SLC38A4: variants seen among roughly 807,000 people sequenced by gnomAD.
The protein encoded by SLC38A4 is solute carrier family 38 member 4.
In SLC38A4, 20 loss-of-function variants were observed where a neutral mutation model predicts 63.1. That is an observed-to-expected ratio of 0.32 (90% CI 0.22 to 0.46). The LOEUF is 0.46. Ranked by LOEUF, SLC38A4 falls within the 20% of genes least tolerant of loss-of-function variation. The pLI is 1.00. For missense variants in SLC38A4, 526 were observed against 663.6 expected (o/e 0.79, Z 2.28); for synonymous variants, 230 against 225.5 (o/e 1.02, Z -0.18).
At position 46,780,659 on chromosome 12, in the gene SLC38A4, T is replaced by C. The variant is rs139512452; in HGVS notation, c.494-629A>G. On this transcript the variant is annotated intron_variant, in intron 7 of 16. Transcript: ENST00000266579. ...CTCCTTTTGGCTAACTAAGGAATTA[T>C]ATAAAGTGGCAAAATTTCATGAGCA... Among the ~76,000 whole-genome samples, 30 of 152,024 alleles carry C rather than the reference T, an allele frequency of 2.0e-4. No homozygotes were observed. The East Asian group carries it at 4.3e-3, about 22-fold the overall frequency.
intron 2 of SLC38A4, among the ~76,000 whole-genome samples, chr12:46,798,368 A>G (rs1939060103): frequency 6.6e-6 from 1 of 152,096 alleles, no homozygotes; most frequent in Admixed American, 6.6e-5. Context: ...CATTCCAGAA[A>G]TCCACCGTGT....
intron 2 of SLC38A4, among the ~76,000 whole-genome samples, chr12:46,797,117 T>A (rs1939025425): frequency 6.6e-6 from 1 of 152,150 alleles, no homozygotes; most frequent in Non-Finnish European, 1.5e-5. Flanking sequence ...TAAAGCTAGA[T>A]CCTAAGCCCC....
chr12:46,816,153 T>C (rs1253095298), intron 1 of SLC38A4, among the ~76,000 whole-genome samples: 1 of 151,906 alleles, frequency 6.6e-6, no homozygotes, highest in Non-Finnish European at 1.5e-5. Context: ...ATGTTAGTGA[T>C]AGGCACCAAT....
chr12:46,778,461 A>T (rs1416877132), intron 11 of SLC38A4, 40 bp downstream of exon 11: 1 of 1,609,786 alleles, frequency 6.2e-7, no homozygotes, highest in Non-Finnish European at 8.5e-7. Flanking sequence ...CTTAGAAAAC[A>T]CATAACTGTA....
At chr12:46,777,064 C>A (rs1473566787) in intron 12 of SLC38A4, 60 bp from the exon 13 acceptor site, 4 of 1,359,518 alleles carry the variant, frequency 2.9e-6, no homozygotes, top group African/African-American at 1.5e-5. Flanking sequence ...AATCACTTTT[C>A]AAAATGAAAA....
At chr12:46,769,535 C>T in intron 14 of SLC38A4, 107 bp from the exon 15 acceptor site, 2 of 1,246,776 alleles carry the variant, frequency 1.6e-6, no homozygotes, top group East Asian at 2.4e-5. Context: ...TTTCTTTTTT[C>T]CCAGAAAAGA....
chr12:46,776,962 G>T lies in SLC38A4; in HGVS notation c.1116C>A (p.Ile372=). The change falls in exon 13 of 17, where the codon ATC becomes ATA. Residue 372 remains isoleucine, a synonymous_variant. Coordinates refer to ENST00000266579, the MANE Select transcript of SLC38A4 (RefSeq NM_018018.5). ...RKMQTVSNIS[I]TGMLVMYLLA... is the part of the protein sequence containing the mutation. ...GCAGGTACATGACAAGCATCCCCGT[G>T]ATGGAAATATTTGACACCGTTTGCA... The T allele has an allele frequency of 6.2e-7, 1 of 1,611,980 alleles. No individual in the cohort carries two copies. Among genetic ancestry groups the T allele is most frequent in the Non-Finnish European group, 8.5e-7 (1 of 1,178,722 alleles).
chr12:46,769,607 C>T (rs574468413), intron 14 of SLC38A4, among the ~76,000 whole-genome samples, 179 bp from the exon 15 acceptor site: 17 of 151,874 alleles, frequency 1.1e-4, no homozygotes, highest in Non-Finnish European at 2.5e-4. Flanking sequence ...AATTTACCAT[C>T]TTAACCATTT....
At chr12:46,789,447 C>T (rs1404515275) in intron 3 of SLC38A4, among the ~76,000 whole-genome samples, 2 of 152,066 alleles carry the variant, frequency 1.3e-5, no homozygotes, top group South Asian at 2.1e-4. Flanking sequence ...ATCCACAGAG[C>T]GTTGTGATTC....
At position 46,784,649 on chromosome 12, in the gene SLC38A4, A is replaced by G; in HGVS notation, c.401-15T>C. ...AATCAAAGACCCTACAATCAAAGAT[A>G]AAATAGCCTTGTTAAAGAGATTGTT... is the stretch of plus-strand genomic sequence containing the variant. On this transcript the variant is annotated splice_polypyrimidine_tract_variant and intron_variant, in intron 6 of 16. Transcript: ENST00000266579. 1 of 1,590,356 alleles carries G rather than the reference A, an allele frequency of 6.3e-7. No homozygotes were observed. Among genetic ancestry groups the G allele is most frequent in the South Asian group, 1.1e-5 (1 of 89,458 alleles).
rs74082913 is a variant in SLC38A4, at chr12:46,831,016, C to T, written c.-108+1311G>A. Among the ~76,000 whole-genome samples, 272 of 152,332 alleles carry T rather than the reference C, an allele frequency of 1.8e-3. 2 individuals carry two copies. The highest frequency in any genetic ancestry group is 6.2e-3 in the African/African-American group (256 of 41,576). On this transcript the variant is annotated intron_variant, in intron 1 of 6. Coordinates refer to the SLC38A4 transcript ENST00000546940. ...CCCTGAGTTTCCTAACTTAGTTCAC[C>T]CCTTTTCCTCCAAGTCAGCAGCCCG...
intron 1 of SLC38A4, among the ~76,000 whole-genome samples, chr12:46,810,826 G>A (rs975647315): frequency 3.3e-5 from 5 of 152,002 alleles, no homozygotes; most frequent in African/African-American, 1.2e-4. Flanking sequence ...CTGGGCATTA[G>A]CCACTAGCTA....
chr12:46,778,713 G>C lies in SLC38A4; in HGVS notation c.781C>G (p.Leu261Val). 1 of 1,612,812 alleles carries C rather than the reference G, an allele frequency of 6.2e-7. No individual in the cohort carries two copies. Among genetic ancestry groups the C allele is most frequent in the South Asian group, 1.1e-5 (1 of 91,050 alleles). ...LPVLDHSVGN[L>V]SFNNTLPMHV... ...ATTGGAAGCGTGTTGTTGAATGACA[G>C]ATTTCCAACACTGTGATCCAAAACA... Residue 261 changes from leucine (L) to valine (V), a missense_variant, in exon 11 of 17, where the codon CTG becomes GTG. Physicochemically the swap from Leu to Val is conservative, Grantham distance 32. Coordinates refer to ENST00000266579, the MANE Select transcript of SLC38A4 (RefSeq NM_018018.5).
chr12:46,828,080 G>A (rs1939684151), upstream of SLC38A4, among the ~76,000 whole-genome samples: 1 of 151,984 alleles, frequency 6.6e-6, no homozygotes, highest in Non-Finnish European at 1.5e-5. Context: ...TAAGAGTACT[G>A]AACTCTTAAA....
chr12:46,815,681 A>T (rs1939429579), intron 1 of SLC38A4, among the ~76,000 whole-genome samples: 1 of 151,840 alleles, frequency 6.6e-6, no homozygotes, highest in African/African-American at 2.4e-5. Context: ...TTGAATTCAG[A>T]ATAACGATCA....
chr12:46,795,858 A>C (rs555461612), intron 2 of SLC38A4, among the ~76,000 whole-genome samples: 1 of 152,184 alleles, frequency 6.6e-6, no homozygotes, highest in South Asian at 2.1e-4. Flanking sequence ...TTATCCTTTC[A>C]TCACGACGTG....
At chr12:46,790,452 T>G (rs1938861218) in intron 3 of SLC38A4, among the ~76,000 whole-genome samples, 1 of 152,158 alleles carries the variant, frequency 6.6e-6, no homozygotes. Context: ...ACATTAATGG[T>G]CTGTAATTAA....
intron 7 of SLC38A4, among the ~76,000 whole-genome samples, chr12:46,783,151 T>C (rs775319847): frequency 1.3e-5 from 2 of 149,888 alleles, no homozygotes; most frequent in Non-Finnish European, 3.0e-5. Context: ...AAAATAGTAC[T>C]GTTAGGGGAA....
chr12:46,769,687 A>G (rs968408462), intron 14 of SLC38A4, among the ~76,000 whole-genome samples: 5 of 152,102 alleles, frequency 3.3e-5, no homozygotes, highest in African/African-American at 1.2e-4. Context: ...TAAGACAGTG[A>G]TACCCTAAGG....
Sources: gnomAD v4.1 joint callset for allele counts (sites outside exome capture counted in the v4.1 genomes callset) on GRCh38, gnomAD v4.1.1 for gene constraint, MANE v1.5 for transcripts, NCBI Gene and HGNC (gene_info 2026-07-23, HGNC 2026-07-21) for gene names.